Variants in ANTXR1 observed in about 807,000 individuals in gnomAD.
ANTXR1 encodes the protein ANTXR cell adhesion molecule 1.
ANTXR1 carries 19 observed loss-of-function variants against 78.1 expected under a neutral mutation model. The ratio of observed to expected loss-of-function variants is 0.24; its 90% CI spans 0.17 to 0.36. The LOEUF is 0.36. Among genes scored for constraint, ANTXR1 ranks in the 10% least tolerant of loss-of-function variants. The pLI, the probability that ANTXR1 is intolerant of heterozygous loss-of-function variation, is 1.00. For synonymous variants in ANTXR1, 273 were observed against 260.5 expected, an observed-to-expected ratio of 1.05 and a Z score of -0.46; for missense variants, 518 against 718.6, an observed-to-expected ratio of 0.72 and a Z score of 3.19.
chr2:69,142,202 T>C (rs1203736048), intron 12 of ANTXR1, among the ~76,000 whole-genome samples: 1 of 152,198 alleles, frequency 6.6e-6, no homozygotes, highest in African/African-American at 2.4e-5. Flanking sequence ...AATGAGACCA[T>C]GGAGGGGAAT....
intron 1 of ANTXR1, among the ~76,000 whole-genome samples, chr2:69,023,235 G>T (rs1671245397): frequency 6.6e-6 from 1 of 152,178 alleles, no homozygotes; most frequent in Non-Finnish European, 1.5e-5. Flanking sequence ...TAACCATTTG[G>T]CACATGAGTG....
chr2:69,159,582 C>T (rs1673622407), intron 13 of ANTXR1, among the ~76,000 whole-genome samples: 2 of 151,992 alleles, frequency 1.3e-5, no homozygotes, highest in African/African-American at 4.8e-5. Context: ...TTTCTGCAAT[C>T]CAACTAGTTA....
chr2:69,163,313 T>TAAAAAAA (rs74748062), intron 13 of ANTXR1, among the ~76,000 whole-genome samples: 1 of 149,394 alleles, frequency 6.7e-6, no homozygotes, highest in Admixed American at 6.6e-5. Context: ...TCTTTTCATG[T>TAAAAAAA]AAAAAAAAAA....
chr2:69,159,825 A>G (rs1673629530), intron 13 of ANTXR1, among the ~76,000 whole-genome samples: 1 of 152,240 alleles, frequency 6.6e-6, no homozygotes, highest in African/African-American at 2.4e-5. Context: ...TTTCAAGGAT[A>G]GTTCAACAAA....
chr2:69,096,181 C>G (rs1396391790), intron 9 of ANTXR1, among the ~76,000 whole-genome samples: 5 of 151,220 alleles, frequency 3.3e-5, no homozygotes, highest in African/African-American at 1.2e-4. Flanking sequence ...TGGCATGAAC[C>G]CGGGAGGCAG....
chr2:69,019,615 T>TAA (rs78690695), intron 1 of ANTXR1, among the ~76,000 whole-genome samples: 13,957 of 151,942 alleles, frequency 0.092, 679 homozygotes, highest in Admixed American at 0.14. Context: ...TAAAAGATGT[T>TAA]AAAAAAAAGA....
At chr2:69,022,090 ACT>A (rs1458921269) in intron 1 of ANTXR1, among the ~76,000 whole-genome samples, 4 of 152,148 alleles carry the variant, frequency 2.6e-5, no homozygotes, top group Non-Finnish European at 4.4e-5. Context: ...GAAAGATAAA[ACT>A]CTCTTTTTCC....
intron 12 of ANTXR1, among the ~76,000 whole-genome samples, chr2:69,131,899 G>A (rs950482935): frequency 2.0e-4 from 31 of 152,234 alleles, no homozygotes; most frequent in African/African-American, 5.5e-4. Context: ...TATAACCAGC[G>A]TTCCCAGGAA....
intron 10 of ANTXR1, among the ~76,000 whole-genome samples, chr2:69,105,729 T>C (rs551116856): frequency 5.3e-5 from 8 of 152,380 alleles, no homozygotes; most frequent in Middle Eastern, 3.4e-3. Flanking sequence ...TTTTTATTTT[T>C]ATATCACATA....
rs1348810207 is a variant in ANTXR1 at position 69,076,072 on chromosome 2, A to G, written c.561+414A>G. Among the ~76,000 whole-genome samples the G allele has an allele frequency of 4.6e-5, 7 of 152,122 alleles. 1 individual carries two copies. Reference sequence around the variant, plus strand: ...GTGATCCTCCCGCCTCAGCCTCCTGATTAGCTTGGTATACAGGTGCACATC... The same window carrying G: ...GTGATCCTCCCGCCTCAGCCTCCTGGTTAGCTTGGTATACAGGTGCACATC... On this transcript the variant is annotated intron_variant, in intron 7 of 17. Transcript: ENST00000303714.
At chr2:69,219,260 T>C (rs896998900) in intron 17 of ANTXR1, among the ~76,000 whole-genome samples, 3 of 152,080 alleles carry the variant, frequency 2.0e-5, no homozygotes, top group African/African-American at 7.2e-5. Context: ...GCCGTGACTG[T>C]AAAGGCTTCT....
At chr2:69,235,937 A>T (rs1675753554) in intron 17 of ANTXR1, among the ~76,000 whole-genome samples, 1 of 152,182 alleles carries the variant, frequency 6.6e-6, no homozygotes, top group Admixed American at 6.5e-5. Flanking sequence ...TCATGGCAGA[A>T]GGGGAAGCAA....
chr2:69,170,896 A>T (rs906040172), intron 14 of ANTXR1, among the ~76,000 whole-genome samples: 1 of 152,228 alleles, frequency 6.6e-6, no homozygotes, highest in African/African-American at 2.4e-5. Context: ...AACTGTTCTG[A>T]TGCAAGGGTG....
At position 69,248,043 on chromosome 2, in the gene ANTXR1, G is replaced by T. The variant is rs771308735; in HGVS notation, c.*2558G>T. 8.5e-5 allele frequency: 14 copies of T among 165,478 alleles called. No homozygotes were observed. Among genetic ancestry groups the T allele is most frequent in the Non-Finnish European group, 1.3e-4 (9 of 68,128 alleles). The allele number at this position is 165,478 out of a possible 1,614,324, so 10.3% of individuals were successfully genotyped here. ...ACTTCTATAAGACTGTATGAACAAG[G>T]TGATATCTTCATAGTGGGCTATTAC... On this transcript the variant is annotated 3_prime_UTR_variant, in exon 18 of 18. Transcript: ENST00000303714.
At chr2:69,091,704 A>T (rs1418381951) in intron 9 of ANTXR1, among the ~76,000 whole-genome samples, 4 of 152,142 alleles carry the variant, frequency 2.6e-5, no homozygotes, top group African/African-American at 9.7e-5. Flanking sequence ...TAATATATTT[A>T]TCTTAATTGT....
intron 10 of ANTXR1, among the ~76,000 whole-genome samples, chr2:69,108,883 A>T (rs1486039935): frequency 6.6e-6 from 1 of 152,218 alleles, no homozygotes; most frequent in Non-Finnish European, 1.5e-5. Context: ...AGACAAATAA[A>T]ATGTAACAAG....
In ANTXR1 at chr2:69,245,161, C is replaced by T. The variant is rs186430116; in HGVS notation, c.1435-64C>T. On this transcript the variant is annotated intron_variant, in intron 17 of 17. Transcript: ENST00000303714. ...CATATTGCTTGCAAGCCGCCCACCA[C>T]AGCACCACAGGCCCTGATGTGAGGC... 639 of 1,600,270 alleles carry T rather than the reference C, an allele frequency of 4.0e-4. 12 individuals are homozygous for T. The East Asian group carries it at 0.013, about 34-fold the overall frequency.
At chr2:69,210,638 G>C (rs561721016) in intron 17 of ANTXR1, among the ~76,000 whole-genome samples, 2 of 152,162 alleles carry the variant, frequency 1.3e-5, no homozygotes, top group African/African-American at 2.4e-5. Flanking sequence ...AAAATTGTAC[G>C]TAAGAACCAG....
At chr2:69,085,101 G>T (rs1671010430) in intron 8 of ANTXR1, among the ~76,000 whole-genome samples, 1 of 151,980 alleles carries the variant, frequency 6.6e-6, no homozygotes, top group African/African-American at 2.4e-5. Context: ...AATTCATGGG[G>T]ACAACATTGA....
Sources: allele counts gnomAD v4.1 joint callset (sites outside exome capture counted in the v4.1 genomes callset), GRCh38; gene constraint gnomAD v4.1.1; transcripts MANE v1.5; gene names NCBI Gene and HGNC (gene_info 2026-07-23, HGNC 2026-07-21).